The following BOLL variants were observed in gnomAD, a reference collection of about 807,000 sequenced individuals.
BOLL encodes the protein protein boule-like.
A neutral mutation model predicts 44.4 loss-of-function variants in BOLL; 23 were observed. That is an observed-to-expected ratio of 0.52 (90% CI 0.37 to 0.73). The LOEUF (loss-of-function observed/expected upper bound fraction) is 0.73. BOLL is among the 30% of genes least tolerant of loss of function. The pLI is 0.00. For synonymous variants in BOLL, 97 were observed against 110.8 expected, an observed-to-expected ratio of 0.88 and a Z score of 0.78; for missense variants, 287 against 338.3, an observed-to-expected ratio of 0.85 and a Z score of 1.19.
At position 197,778,785 on chromosome 2, in the gene BOLL, A is replaced by G. The variant is rs112623891; in HGVS notation, c.221+190T>C. ...TTCTCAACAAATTAAGAAATATTAC[A>G]GTGTCTCCTCCCTCCAAAATACACA... On this transcript the variant is annotated intron_variant, in intron 3 of 10. Transcript: ENST00000392296. 8.6e-5 allele frequency among the ~76,000 whole-genome samples: 13 copies of G among 150,880 alleles called. 3 individuals are homozygous for G. Among genetic ancestry groups the G allele is most frequent in the African/African-American group, 3.2e-4 (13 of 40,796 alleles).
chr2:197,763,893 A>G (rs963074134), intron 7 of BOLL, among the ~76,000 whole-genome samples: 9 of 152,254 alleles, frequency 5.9e-5, no homozygotes, highest in African/African-American at 2.2e-4. Flanking sequence ...CTGAATAGAC[A>G]TTTCTCAAAA....
Position 197,777,045 on chromosome 2 carries a change from C to A in BOLL, c.276+14G>T, listed in dbSNP as rs758630839. ...ATTTCCAGAAATGAAGTTAAATACA[C>A]CAAAAGATCATACCTCTTGTAAAAT... is the stretch of plus-strand genomic sequence containing the variant. On this transcript the variant is annotated intron_variant, in intron 4 of 10. Coordinates refer to ENST00000392296, the MANE Select transcript of BOLL (RefSeq NM_033030.6). 4 of 1,553,684 alleles carry A rather than the reference C, an allele frequency of 2.6e-6. No homozygotes were observed. Among genetic ancestry groups the A allele is most frequent in the African/African-American group, 2.7e-5 (2 of 72,894 alleles).
In BOLL at chr2:197,743,129, A is replaced by G; in HGVS notation, c.760T>C (p.Tyr254His). 6.2e-7 allele frequency: 1 copy of G among 1,604,516 alleles called. No individual in the cohort carries two copies. The highest frequency in any genetic ancestry group is 8.5e-7 in the Non-Finnish European group (1 of 1,175,492). Residue 254 changes from tyrosine (Y) to histidine (H), a missense_variant, in exon 10 of 11, where the codon TAT becomes CAT. Tyr to His is a moderately conservative substitution (Grantham distance 83). Coordinates refer to ENST00000392296, the MANE Select transcript of BOLL (RefSeq NM_033030.6). ...GCACTTGGAGCATAAACCTGGTGAT[A>G]TGTTGCTTGAACTCCATGATCAGAA... Reference protein sequence around the residue: ...PYSDHGVQATYHQVYAPSAIT... With the variant: ...PYSDHGVQATHHQVYAPSAIT...
In BOLL at chr2:197,764,336, A is replaced by G. The variant is rs112096717; in HGVS notation, c.552+2196T>C. Among the ~76,000 whole-genome samples the G allele has an allele frequency of 7.1e-3, 1,080 of 152,338 alleles. 22 individuals carry two copies. Among genetic ancestry groups the G allele is most frequent in the African/African-American group, 0.024 (1,012 of 41,572 alleles). ...AAGAAAATATGGTATATATATACAC[A>G]ATGGAATACTATTTGGCTATAAAAA... On this transcript the variant is annotated intron_variant, in intron 7 of 10. Coordinates refer to ENST00000392296, the MANE Select transcript of BOLL (RefSeq NM_033030.6).
At chr2:197,757,279 T>A in intron 8 of BOLL, 74 bp downstream of exon 8, 1 of 1,306,852 alleles carries the variant, frequency 7.7e-7, no homozygotes. Flanking sequence ...TAAAAAACTT[T>A]AGTATTCATG....
chr2:197,734,573 T>C (rs934551411), intron 10 of BOLL, among the ~76,000 whole-genome samples: 1 of 152,090 alleles, frequency 6.6e-6, no homozygotes, highest in African/African-American at 2.4e-5. Context: ...TGTCCAACAA[T>C]GATAGAGTGG....
intron 9 of BOLL, among the ~76,000 whole-genome samples, chr2:197,755,760 G>A (rs1448396784): frequency 6.6e-6 from 1 of 152,180 alleles, no homozygotes; most frequent in Non-Finnish European, 1.5e-5. Flanking sequence ...GGAAGGGAGA[G>A]CATCAGGAAA....
At chr2:197,784,301 T>C (rs1689937765) in intron 1 of BOLL, among the ~76,000 whole-genome samples, 1 of 150,028 alleles carries the variant, frequency 6.7e-6, no homozygotes, top group African/African-American at 2.5e-5. Flanking sequence ...GTTGAATGAC[T>C]AAAAGTGAAT....
In BOLL at chr2:197,771,717, A is replaced by T; in HGVS notation, c.480+138T>A. The T allele has an allele frequency of 3.9e-6, 4 of 1,037,774 alleles. No individual in the cohort carries two copies. In the South Asian group the frequency reaches 8.6e-5, roughly 22 times the overall value. The allele number at this position is 1,037,774 out of a possible 1,614,324, so 64.3% of individuals were successfully genotyped here. ...TTAAGAACTTAAGTAAATGTGGCAA[A>T]ATGTTGATGTCTATTTAATTTGGTT... On this transcript the variant is annotated intron_variant, in intron 6 of 10. Transcript: ENST00000392296.
At chr2:197,738,054 G>T (rs917480682) in intron 10 of BOLL, among the ~76,000 whole-genome samples, 2 of 152,068 alleles carry the variant, frequency 1.3e-5, no homozygotes, top group African/African-American at 2.4e-5. Flanking sequence ...AACACTGTAA[G>T]AAAACCAAAA....
chr2:197,747,656 G>A (rs1462192218), intron 9 of BOLL, among the ~76,000 whole-genome samples: 1 of 148,148 alleles, frequency 6.8e-6, no homozygotes, highest in Non-Finnish European at 1.5e-5. Flanking sequence ...AGTATTGATA[G>A]TAAATCTTAA....
At chr2:197,753,659 G>A (rs568488035) in intron 9 of BOLL, among the ~76,000 whole-genome samples, 1 of 152,334 alleles carries the variant, frequency 6.6e-6, no homozygotes, top group East Asian at 1.9e-4. Flanking sequence ...AGGATGTGGA[G>A]AAATAGGCAT....
chr2:197,744,089 G>A (rs966232807), intron 9 of BOLL, among the ~76,000 whole-genome samples: 7 of 152,186 alleles, frequency 4.6e-5, no homozygotes, highest in Admixed American at 6.5e-5. Context: ...GATTACAGGC[G>A]TGAGCCATTG....
chr2:197,770,807 C>T (rs1043862718), intron 6 of BOLL, among the ~76,000 whole-genome samples: 5 of 152,116 alleles, frequency 3.3e-5, no homozygotes, highest in African/African-American at 4.8e-5. Flanking sequence ...GATACCATCT[C>T]ACATCAGTTA....
intron 9 of BOLL, 128 bp from the exon 10 acceptor site, chr2:197,743,287 G>A: frequency 1.8e-6 from 1 of 541,320 alleles, no homozygotes; most frequent in Non-Finnish European, 3.0e-6. Flanking sequence ...ATGCCCTTAT[G>A]TTTAATTAAC....
chr2:197,736,848 C>G (rs183032040), intron 10 of BOLL, among the ~76,000 whole-genome samples: 188 of 152,208 alleles, frequency 1.2e-3, no homozygotes, highest in African/African-American at 4.2e-3. Context: ...TTGAGAATTA[C>G]TATTTTTTTG....
At chr2:197,729,599 C>T (rs1046057505) in intron 10 of BOLL, among the ~76,000 whole-genome samples, 6 of 152,180 alleles carry the variant, frequency 3.9e-5, no homozygotes, top group Non-Finnish European at 7.3e-5. Flanking sequence ...GTTTTCCCAG[C>T]ATGCAGCTGG....
intron 6 of BOLL, among the ~76,000 whole-genome samples, chr2:197,767,984 T>C (rs1396663373): frequency 6.6e-6 from 1 of 151,530 alleles, no homozygotes; most frequent in African/African-American, 2.4e-5. Context: ...AAAAAAGAAG[T>C]GAAAGAAATA....
At chr2:197,740,301 G>C (rs903902996) in intron 10 of BOLL, among the ~76,000 whole-genome samples, 1 of 152,098 alleles carries the variant, frequency 6.6e-6, no homozygotes, top group African/African-American at 2.4e-5. Flanking sequence ...TTAATGCAAA[G>C]ACTATGCCTA....
Sources: gnomAD v4.1 joint callset for allele counts (sites outside exome capture counted in the v4.1 genomes callset) on GRCh38, gnomAD v4.1.1 for gene constraint, MANE v1.5 for transcripts, NCBI Gene and HGNC (gene_info 2026-07-23, HGNC 2026-07-21) for gene names.